CNTNAP2: variants seen among roughly 807,000 people sequenced by gnomAD.
CNTNAP2 encodes contactin associated protein 2.
Under a neutral mutation model 155.2 loss-of-function variants are expected in CNTNAP2, and 98 were observed. That is an observed-to-expected ratio of 0.63 (90% CI 0.54 to 0.75). The LOEUF (loss-of-function observed/expected upper bound fraction) is 0.75. Among genes scored for constraint, CNTNAP2 ranks in the 30% least tolerant of loss-of-function variants. The probability of loss-of-function intolerance (pLI) is 0.00; values close to 1 mark genes in which losing one functional copy is unlikely to be tolerated. For missense variants in CNTNAP2, 1,727 were observed against 1,688.1 expected, an observed-to-expected ratio of 1.02 and a Z score of -0.40; for synonymous variants, 651 against 631.2, an observed-to-expected ratio of 1.03 and a Z score of -0.47.
chr7:147,014,885 T>C (rs1798691617), intron 3 of CNTNAP2, among the ~76,000 whole-genome samples: 1 of 152,178 alleles, frequency 6.6e-6, no homozygotes, highest in African/African-American at 2.4e-5. Context: ...TGTTATTCTC[T>C]TTTGTTGACT....
chr7:147,080,410 A>G (rs1485382196), intron 4 of CNTNAP2, among the ~76,000 whole-genome samples: 1 of 152,112 alleles, frequency 6.6e-6, no homozygotes, highest in Non-Finnish European at 1.5e-5. Flanking sequence ...GGTGTATAGC[A>G]TGAACTTAAT....
chr7:147,794,446 A>T (rs560976818), intron 13 of CNTNAP2, among the ~76,000 whole-genome samples: 1 of 152,096 alleles, frequency 6.6e-6, no homozygotes, highest in South Asian at 2.1e-4. Context: ...AATATGGTAT[A>T]TTAGAGTCAC....
chr7:147,503,892 G>A (rs1270458791), intron 11 of CNTNAP2, among the ~76,000 whole-genome samples: 1 of 152,108 alleles, frequency 6.6e-6, no homozygotes, highest in African/African-American at 2.4e-5. Context: ...AACACACTCT[G>A]TGGGTTTAAA....
intron 1 of CNTNAP2, among the ~76,000 whole-genome samples, chr7:146,744,388 T>G (rs779412283): frequency 5.3e-5 from 8 of 152,178 alleles, no homozygotes; most frequent in Non-Finnish European, 1.2e-4. Flanking sequence ...AAGGTTTCTA[T>G]TCTTATGCTG....
chr7:146,559,372 A>G (rs187895438), intron 1 of CNTNAP2, among the ~76,000 whole-genome samples: 1 of 152,090 alleles, frequency 6.6e-6, no homozygotes, highest in South Asian at 2.1e-4. Flanking sequence ...GATAGAGACT[A>G]TCCTGGCTAA....
At chr7:146,407,045 C>A (rs955398790) in intron 1 of CNTNAP2, among the ~76,000 whole-genome samples, 10 of 152,096 alleles carry the variant, frequency 6.6e-5, no homozygotes, top group African/African-American at 2.2e-4. Flanking sequence ...GTATTGGGTG[C>A]TAAAATAGTG....
chr7:147,767,183 A>G (rs1797394326), intron 13 of CNTNAP2, among the ~76,000 whole-genome samples: 1 of 152,108 alleles, frequency 6.6e-6, no homozygotes, highest in Non-Finnish European at 1.5e-5. Flanking sequence ...TTACATTTGT[A>G]AAGTACAATA....
chr7:147,106,995 A>C (rs1232560227), intron 4 of CNTNAP2, among the ~76,000 whole-genome samples: 1 of 152,306 alleles, frequency 6.6e-6, no homozygotes, highest in South Asian at 2.1e-4. Flanking sequence ...GGAGTTCTTT[A>C]GCCAGACCTT....
chr7:148,371,971 C>T (rs1355284744), intron 21 of CNTNAP2, among the ~76,000 whole-genome samples: 2 of 152,018 alleles, frequency 1.3e-5, no homozygotes, highest in African/African-American at 4.8e-5. Flanking sequence ...GAGGCCGAGG[C>T]AGGCGGATCA....
chr7:146,251,166 A>G (rs1455658834), intron 1 of CNTNAP2, among the ~76,000 whole-genome samples: 1 of 152,224 alleles, frequency 6.6e-6, no homozygotes, highest in Admixed American at 6.5e-5. Context: ...AATCTTACAC[A>G]TTAGACAAAG....
chr7:148,055,609 A>G (rs972799254), intron 15 of CNTNAP2, among the ~76,000 whole-genome samples: 1 of 152,188 alleles, frequency 6.6e-6, no homozygotes, highest in African/African-American at 2.4e-5. Context: ...CTAAATATAT[A>G]TTAGCTACAT....
intron 13 of CNTNAP2, among the ~76,000 whole-genome samples, chr7:147,714,870 CATTA>C: frequency 6.6e-6 from 1 of 152,178 alleles, no homozygotes; most frequent in East Asian, 1.9e-4. Context: ...CCCTGGAAAC[CATTA>C]ATTGTTTTCT....
chr7:148,106,308 C>A lies in CNTNAP2; in HGVS notation c.2384-11810C>A, dbSNP rs548580852. Among the ~76,000 whole-genome samples the A allele has an allele frequency of 2.6e-5, 4 of 152,134 alleles. No homozygotes were observed. The East Asian group carries it at 7.7e-4, about 29-fold the overall frequency. On this transcript the variant is annotated intron_variant, in intron 15 of 23. Coordinates refer to ENST00000361727, the MANE Select transcript of CNTNAP2 (RefSeq NM_014141.6). ...TTGATGATTTATACTGAAGATCTAA[C>A]TTATGCACAAATTTGGGAATCGTTA...
chr7:146,563,056 G>A (rs1306760810), intron 1 of CNTNAP2, among the ~76,000 whole-genome samples: 2 of 152,092 alleles, frequency 1.3e-5, no homozygotes, highest in African/African-American at 4.8e-5. Flanking sequence ...TACATAGCTA[G>A]TTGCACACAC....
intron 15 of CNTNAP2, among the ~76,000 whole-genome samples, chr7:148,045,226 T>C (rs929337280): frequency 2.6e-5 from 4 of 151,274 alleles, no homozygotes; most frequent in African/African-American, 9.7e-5. Context: ...TCCACCAGTG[T>C]GGGGAGCAAA....
At chr7:148,049,929 G>A (rs946011036) in intron 15 of CNTNAP2, among the ~76,000 whole-genome samples, 17 of 152,164 alleles carry the variant, frequency 1.1e-4, no homozygotes, top group Non-Finnish European at 2.1e-4. Context: ...TTGGGAGGCC[G>A]AGGCAGGTGG....
At chr7:146,581,532 AAGG>A (rs1375903300) in intron 1 of CNTNAP2, among the ~76,000 whole-genome samples, 1 of 152,078 alleles carries the variant, frequency 6.6e-6, no homozygotes, top group Non-Finnish European at 1.5e-5. Context: ...CTGAGAGAAA[AAGG>A]AGAAAATTTA....
chr7:147,801,034 C>G lies in CNTNAP2; in HGVS notation c.2099-102531C>G, dbSNP rs141042557. On this transcript the variant is annotated intron_variant, in intron 13 of 23. Transcript: ENST00000361727. The stretch of plus-strand genomic sequence containing the variant: ...GACAACATCAACTAACAACACATAT[C>G]TCAGAACATATCCCCATTGGGAAGT... Among the ~76,000 whole-genome samples, 99 of 152,270 alleles carry G rather than the reference C, an allele frequency of 6.5e-4. No individual in the cohort carries two copies. In the East Asian group the frequency reaches 0.018, roughly 28 times the overall value.
At chr7:147,660,690 A>G (rs1795595544) in intron 13 of CNTNAP2, among the ~76,000 whole-genome samples, 1 of 152,182 alleles carries the variant, frequency 6.6e-6, no homozygotes, top group African/African-American at 2.4e-5. Context: ...GCTAACTTCT[A>G]TGAGAGGTTA....
Sources: gnomAD v4.1 joint callset for allele counts (sites outside exome capture counted in the v4.1 genomes callset) on GRCh38, gnomAD v4.1.1 for gene constraint, MANE v1.5 for transcripts, NCBI Gene and HGNC (gene_info 2026-07-23, HGNC 2026-07-21) for gene names.